The following WIF1 variants were observed in gnomAD, a reference collection of about 807,000 sequenced individuals.
WIF1 encodes Wnt inhibitory factor 1.
In WIF1, 35 loss-of-function variants were observed where a neutral mutation model predicts 53.5. The observed-to-expected ratio is 0.65, with a 90% CI of 0.50 to 0.87. The LOEUF (loss-of-function observed/expected upper bound fraction) is 0.87, where lower values mean the gene tolerates loss of function less well. Ranked by LOEUF, WIF1 falls within the 40% of genes least tolerant of loss-of-function variation. The probability of loss-of-function intolerance (pLI) is 0.00; values close to 1 mark genes in which losing one functional copy is unlikely to be tolerated. For missense variants in WIF1, 467 were observed against 476.8 expected, an observed-to-expected ratio of 0.98 and a Z score of 0.19; for synonymous variants, 171 against 170.4, an observed-to-expected ratio of 1.00 and a Z score of -0.03.
chr12:65,058,456 A>G (rs534462680), intron 7 of WIF1, among the ~76,000 whole-genome samples: 8 of 152,212 alleles, frequency 5.3e-5, no homozygotes, highest in African/African-American at 1.4e-4. Context: ...TTTTGTTTTC[A>G]TGGCAACAGG....
At chr12:65,069,807 G>A (rs1449089891) in intron 3 of WIF1, among the ~76,000 whole-genome samples, 1 of 152,174 alleles carries the variant, frequency 6.6e-6, no homozygotes, top group Non-Finnish European at 1.5e-5. Context: ...CAAATCAGAT[G>A]TGATCATTTG....
intron 3 of WIF1, among the ~76,000 whole-genome samples, chr12:65,076,841 AC>A (rs1396408917): frequency 3.9e-5 from 6 of 152,154 alleles, no homozygotes; most frequent in African/African-American, 1.4e-4. Flanking sequence ...ATTAAAAACA[AC>A]TTTTGAAAAA....
At chr12:65,091,160 C>T (rs1263572925) in intron 2 of WIF1, among the ~76,000 whole-genome samples, 1 of 151,806 alleles carries the variant, frequency 6.6e-6, no homozygotes, top group African/African-American at 2.4e-5. Context: ...ATAAGTTAAA[C>T]TACACCACAA....
chr12:65,116,913 A>T (rs1883519912), intron 2 of WIF1, among the ~76,000 whole-genome samples: 1 of 127,208 alleles, frequency 7.9e-6, no homozygotes, highest in Non-Finnish European at 1.6e-5. Flanking sequence ...AGCCTGGGCG[A>T]CAGAGTGAGA....
chr12:65,099,473 TG>T (rs1883249303), intron 2 of WIF1, among the ~76,000 whole-genome samples: 1 of 152,172 alleles, frequency 6.6e-6, no homozygotes, highest in Non-Finnish European at 1.5e-5. Context: ...AACAATAATT[TG>T]TGTATGCCTA....
intron 6 of WIF1, among the ~76,000 whole-genome samples, chr12:65,063,475 CA>C (rs1882643692): frequency 6.6e-6 from 1 of 151,864 alleles, no homozygotes; most frequent in Non-Finnish European, 1.5e-5. Flanking sequence ...TAAAATTGGC[CA>C]AAATTGGCTA....
rs114551092 is a variant in WIF1, at chr12:65,101,613, C to T, written c.288+18804G>A. Among the ~76,000 whole-genome samples, 1,405 of 152,304 alleles carry T rather than the reference C, an allele frequency of 9.2e-3. 24 individuals carry two copies. Among genetic ancestry groups the T allele is most frequent in the African/African-American group, 0.032 (1,324 of 41,556 alleles). On this transcript the variant is annotated intron_variant, in intron 2 of 9. Coordinates refer to ENST00000286574, the MANE Select transcript of WIF1 (RefSeq NM_007191.5). ...GCTACAAGTAATTGTATTGTCCGTG[C>T]TATTTTTCTTGCTGTGATTTAAATT...
Position 65,119,834 on chromosome 12 carries a change from C to T in WIF1, c.288+583G>A, listed in dbSNP as rs148511465. Reference sequence around the variant, plus strand: ...ATGCTTCTTCATAAAAAATAGATTCCAGTTTTCTTTTCCATATGAAAGCAT... The same window carrying T: ...ATGCTTCTTCATAAAAAATAGATTCTAGTTTTCTTTTCCATATGAAAGCAT... On this transcript the variant is annotated intron_variant, in intron 2 of 9. Coordinates refer to ENST00000286574, the MANE Select transcript of WIF1 (RefSeq NM_007191.5). 4.2e-3 allele frequency among the ~76,000 whole-genome samples: 637 copies of T among 152,198 alleles called. 6 individuals carry two copies. The highest frequency in any genetic ancestry group is 0.015 in the African/African-American group (616 of 41,538).
At chr12:65,090,021 A>G (rs1372886315) in intron 2 of WIF1, among the ~76,000 whole-genome samples, 1 of 152,170 alleles carries the variant, frequency 6.6e-6, no homozygotes, top group East Asian at 1.9e-4. Flanking sequence ...TAGGTAACTC[A>G]CCTTTTACCA....
rs762416182 is a variant in WIF1 at position 65,120,446 on chromosome 12, T to C, written c.259A>G (p.Met87Val). 39 of 1,613,248 alleles carry C rather than the reference T, an allele frequency of 2.4e-5. No individual in the cohort carries two copies. The highest frequency in any genetic ancestry group is 3.3e-5 in the Admixed American group (2 of 59,822). The change falls in exon 2 of 10, where the codon ATG becomes GTG. Residue 87 changes from methionine to valine, a missense_variant. Transcript: ENST00000286574. ...MPAIPVNIHS[M>V]NFTWQAAGQA... ...CCTGCAGCTTGCCAGGTAAAATTCA[T>C]GGAATGGATATTGACAGGAATAGCT...
At position 65,083,827 on chromosome 12, in the gene WIF1, TTC is replaced by T. The variant is rs148366068; in HGVS notation, c.289-5975_289-5974del. On this transcript the variant is annotated intron_variant, in intron 2 of 9. Transcript: ENST00000286574. ...CTTTCCTTTCCTTTCCTCTCCTCTT[TTC>T]TCTTTTCTTTTCTTTTCTTTTCTTT... The T allele has an allele frequency of 6.5e-5, 18 of 275,832 alleles. No individual in the cohort carries two copies. The African/African-American group carries it at 9.0e-4, about 14-fold the overall frequency. The allele number at this position is 275,832 out of a possible 1,614,324, so 17.1% of individuals were successfully genotyped here.
chr12:65,110,026 CATTTGTATAAAGAT>C (rs1883406145), intron 2 of WIF1, among the ~76,000 whole-genome samples: 1 of 152,142 alleles, frequency 6.6e-6, no homozygotes, highest in Non-Finnish European at 1.5e-5. Context: ...ACAGATCTTG[CATTTGTATAAAGAT>C]ATTACCATTA....
rs1324152945 is a variant in WIF1, at chr12:65,081,051, TTTC to T, written c.289-3200_289-3198del. ...TTGTGTAGAATTGATGGTGATTTTT[TTTC>T]TTTTCTCTCTTTTTCAGATTTTCTA... On this transcript the variant is annotated intron_variant, in intron 2 of 9. Transcript: ENST00000286574. Among the ~76,000 whole-genome samples, 18 of 152,132 alleles carry T rather than the reference TTTC, an allele frequency of 1.2e-4. No homozygotes were observed. In the East Asian group the frequency reaches 3.5e-3, roughly 29 times the overall value.
At chr12:65,119,673 T>C (rs1009655332) in intron 2 of WIF1, among the ~76,000 whole-genome samples, 10 of 152,222 alleles carry the variant, frequency 6.6e-5, no homozygotes, top group Non-Finnish European at 1.3e-4. Context: ...ATTTGTCCTC[T>C]AGAGTAAATT....
chr12:65,090,892 C>A (rs528263612), intron 2 of WIF1, among the ~76,000 whole-genome samples: 11 of 152,092 alleles, frequency 7.2e-5, no homozygotes, highest in African/African-American at 2.4e-4. Flanking sequence ...AGTGGCAGTA[C>A]CCATAGAAAA....
rs775920222 is a variant in WIF1, at chr12:65,062,503, T to C, written c.804A>G (p.Leu268=). ...CACTGATTTCACACTGCTCTCCCTCTAGTCCTGGAGGGCAAATACATTTTC... is the reference window on the plus strand; with the variant it reads ...CACTGATTTCACACTGCTCTCCCTCCAGTCCTGGAGGGCAAATACATTTTC... The part of the protein sequence containing the change: ...YPGKCICPPG[L]EGEQCEISKC... The change falls in exon 7 of 10, where the codon CTA becomes CTG. Residue 268 remains leucine, a synonymous_variant. Transcript: ENST00000286574. 6 of 1,607,522 alleles carry C rather than the reference T, an allele frequency of 3.7e-6. No homozygotes were observed. Among genetic ancestry groups the C allele is most frequent in the Non-Finnish European group, 4.3e-6 (5 of 1,176,380 alleles).
At chr12:65,100,741 C>T (rs1354537772) in intron 2 of WIF1, among the ~76,000 whole-genome samples, 1 of 151,986 alleles carries the variant, frequency 6.6e-6, no homozygotes, top group Non-Finnish European at 1.5e-5. Context: ...CAGAATAGGG[C>T]CAGGCGTGGT....
Position 65,062,557 on chromosome 12 carries a change from G to A in WIF1, c.750C>T (p.Cys250=). The change falls in exon 7 of 10, where the codon TGC becomes TGT. Residue 250 remains cysteine (C), a synonymous_variant. Coordinates refer to ENST00000286574, the MANE Select transcript of WIF1 (RefSeq NM_007191.5). ...GGTAGAAACAGGTCCCTCCATTAAA[G>A]CAGGTGGTTGAGCAGTTTGCTGTTA... is the stretch of plus-strand genomic sequence containing the variant. ...NCDKANCSTT[C]FNGGTCFYPG... is the part of the protein sequence containing the mutation. 1 of 1,607,646 alleles carries A rather than the reference G, an allele frequency of 6.2e-7. No individual in the cohort carries two copies. The highest frequency in any genetic ancestry group is 2.2e-5 in the East Asian group (1 of 44,822).
At chr12:65,094,901 CTTATTTATTTATTTATTTATTTATTTAT>C (rs71096024) in intron 2 of WIF1, among the ~76,000 whole-genome samples, 36 of 134,292 alleles carry the variant, frequency 2.7e-4, no homozygotes, top group African/African-American at 9.9e-4. Context: ...TCCTCTTCTT[CTTATTTATTTATTTATTTATTTATTTAT>C]TTATTTATTT....
Sources: allele counts gnomAD v4.1 joint callset (sites outside exome capture counted in the v4.1 genomes callset), GRCh38; gene constraint gnomAD v4.1.1; transcripts MANE v1.5; gene names NCBI Gene and HGNC (gene_info 2026-07-23, HGNC 2026-07-21).